LYPD6B: variants seen among roughly 807,000 people sequenced by gnomAD.
LYPD6B encodes LY6/PLAUR domain containing 6B.
LYPD6B carries 17 observed loss-of-function variants against 22.8 expected under a neutral mutation model. The observed-to-expected ratio is 0.75, with a 90% confidence interval of 0.51 to 1.12. The LOEUF (loss-of-function observed/expected upper bound fraction) is 1.12. Ranked by LOEUF, LYPD6B falls within the 50% of genes most tolerant of loss-of-function variation. The probability of loss-of-function intolerance (pLI) is 0.00; values close to 1 mark genes in which losing one functional copy is unlikely to be tolerated. For synonymous variants in LYPD6B, 106 were observed against 91.6 expected (o/e 1.16, Z -0.90); for missense variants, 221 against 258.3 (o/e 0.86, Z 0.99).
chr2:149,083,388 G>A (rs928634188), intron 1 of LYPD6B, among the ~76,000 whole-genome samples: 5 of 152,188 alleles, frequency 3.3e-5, no homozygotes, highest in Admixed American at 6.5e-5. Context: ...GCACATTTTC[G>A]AATTTCCCTG....
At chr2:149,193,350 A>G (rs1368151886) in intron 3 of LYPD6B, among the ~76,000 whole-genome samples, 2 of 152,186 alleles carry the variant, frequency 1.3e-5, no homozygotes, top group Non-Finnish European at 2.9e-5. Flanking sequence ...ACAAGCTAAA[A>G]GGGGCTATTT....
intron 2 of LYPD6B, among the ~76,000 whole-genome samples, chr2:149,144,524 T>C (rs1019766027): frequency 6.6e-6 from 1 of 152,144 alleles, no homozygotes; most frequent in Admixed American, 6.5e-5. Context: ...CCCAAATAGC[T>C]GGGATTACAG....
At chr2:149,165,659 A>G (rs1416778369) in intron 3 of LYPD6B, among the ~76,000 whole-genome samples, 3 of 152,188 alleles carry the variant, frequency 2.0e-5, no homozygotes, top group Non-Finnish European at 4.4e-5. Flanking sequence ...TCCCTAACTT[A>G]TAGGTGAGAA....
At chr2:149,211,455 G>A (rs1450479232) in intron 5 of LYPD6B, among the ~76,000 whole-genome samples, 1 of 152,088 alleles carries the variant, frequency 6.6e-6, no homozygotes, top group Non-Finnish European at 1.5e-5. Flanking sequence ...GTAAAATGAG[G>A]CTTACCTTAA....
chr2:149,073,928 AAGG>A (rs1267979926), intron 1 of LYPD6B, among the ~76,000 whole-genome samples: 2 of 151,886 alleles, frequency 1.3e-5, no homozygotes, highest in African/African-American at 4.8e-5. Flanking sequence ...ACGAAAGGAG[AAGG>A]AGGACAGAAG....
At chr2:149,109,101 T>C (rs1231728694) in intron 1 of LYPD6B, among the ~76,000 whole-genome samples, 2 of 152,184 alleles carry the variant, frequency 1.3e-5, no homozygotes. Flanking sequence ...AGAAAAAATA[T>C]TACGCATTTA....
chr2:149,065,805 C>T (rs1180612445), intron 1 of LYPD6B, among the ~76,000 whole-genome samples: 1 of 152,138 alleles, frequency 6.6e-6, no homozygotes, highest in Non-Finnish European at 1.5e-5. Flanking sequence ...ACCTCCCAGG[C>T]TCAAGCAGTC....
At chr2:149,074,362 A>C (rs1684786504) in intron 1 of LYPD6B, among the ~76,000 whole-genome samples, 1 of 152,184 alleles carries the variant, frequency 6.6e-6, no homozygotes, top group East Asian at 1.9e-4. Context: ...GATAGATCTA[A>C]AACATCAACT....
chr2:149,126,813 C>A (rs1268465624), intron 1 of LYPD6B, among the ~76,000 whole-genome samples: 1 of 152,220 alleles, frequency 6.6e-6, no homozygotes, highest in East Asian at 1.9e-4. Context: ...TCTCTATTCT[C>A]TCCTTCTAGG....
intron 1 of LYPD6B, among the ~76,000 whole-genome samples, chr2:149,069,510 C>T (rs187131748): frequency 6.6e-5 from 10 of 152,222 alleles, no homozygotes; most frequent in Admixed American, 2.0e-4. Flanking sequence ...CACCCCAAAC[C>T]CTGCTGTGTC....
At chr2:149,047,161 C>A (rs1273450237) in intron 1 of LYPD6B, among the ~76,000 whole-genome samples, 1 of 152,108 alleles carries the variant, frequency 6.6e-6, no homozygotes, top group African/African-American at 2.4e-5. Flanking sequence ...TCATTGTTTT[C>A]TTTGTGTAGA....
intron 2 of LYPD6B, among the ~76,000 whole-genome samples, chr2:149,144,884 A>G (rs963732414): frequency 6.6e-6 from 1 of 152,038 alleles, no homozygotes; most frequent in African/African-American, 2.4e-5. Flanking sequence ...ATTTGTATTG[A>G]ATTTGTTCTT....
At chr2:149,117,103 C>A (rs1172135622) in intron 1 of LYPD6B, among the ~76,000 whole-genome samples, 1 of 152,004 alleles carries the variant, frequency 6.6e-6, no homozygotes. Context: ...TTTATACATT[C>A]TCTTTTTTAT....
At chr2:149,083,604 C>T (rs1278665051) in intron 1 of LYPD6B, among the ~76,000 whole-genome samples, 1 of 152,142 alleles carries the variant, frequency 6.6e-6, no homozygotes, top group Non-Finnish European at 1.5e-5. Flanking sequence ...ACTTGTTTCT[C>T]TATCCTTTGT....
chr2:149,080,465 A>G (rs540632136), intron 1 of LYPD6B, among the ~76,000 whole-genome samples: 1 of 152,318 alleles, frequency 6.6e-6, no homozygotes, highest in South Asian at 2.1e-4. Flanking sequence ...ACAGTAGGCA[A>G]GAAGGTCACA....
At chr2:149,145,424 G>T (rs1688957967) in intron 2 of LYPD6B, among the ~76,000 whole-genome samples, 1 of 152,202 alleles carries the variant, frequency 6.6e-6, no homozygotes, top group African/African-American at 2.4e-5. Flanking sequence ...GAAGACACAA[G>T]CCCGGGTGCG....
chr2:149,080,456 C>T (rs1042737964), intron 1 of LYPD6B, among the ~76,000 whole-genome samples: 1 of 152,166 alleles, frequency 6.6e-6, no homozygotes, highest in African/African-American at 2.4e-5. Context: ...TAATCTATAA[C>T]AGTAGGCAAG....
chr2:149,120,156 G>A (rs1389375173), intron 1 of LYPD6B, among the ~76,000 whole-genome samples: 1 of 151,648 alleles, frequency 6.6e-6, no homozygotes, highest in African/African-American at 2.4e-5. Flanking sequence ...TGAATATTAT[G>A]TCCTTTGTTT....
At chr2:149,068,815 A>G in intron 1 of LYPD6B, 2 of 428,448 alleles carry the variant, frequency 4.7e-6, no homozygotes, top group South Asian at 1.9e-5. Flanking sequence ...TGCAAGGCCC[A>G]CATCATGTGC....
Sources: gnomAD v4.1 joint callset for allele counts (sites outside exome capture counted in the v4.1 genomes callset) on GRCh38, gnomAD v4.1.1 for gene constraint, MANE v1.5 for transcripts, NCBI Gene and HGNC (gene_info 2026-07-23, HGNC 2026-07-21) for gene names.